ALG9: variants seen among roughly 807,000 people sequenced by gnomAD.
The protein encoded by ALG9 is ALG9 alpha-1,2-mannosyltransferase, also known as alpha-1,2-mannosyltransferase ALG9.
In ALG9, 55 loss-of-function variants were observed where a neutral mutation model predicts 81.8. The observed-to-expected ratio is 0.67, with a 90% confidence interval of 0.54 to 0.84. The LOEUF (loss-of-function observed/expected upper bound fraction) is 0.84. Ranked by LOEUF, ALG9 falls within the 40% of genes least tolerant of loss-of-function variation. ALG9 has a pLI of 0.00. For missense variants in ALG9, 629 were observed against 745.0 expected (o/e 0.84, Z 1.81); for synonymous variants, 278 against 274.3 (o/e 1.01, Z -0.13).
chr11:111,832,375 C>T (rs1390631591), intron 13 of ALG9, among the ~76,000 whole-genome samples: 3 of 152,084 alleles, frequency 2.0e-5, no homozygotes, highest in African/African-American at 7.2e-5. Context: ...CTCCTGGGCT[C>T]AAGCAGTCCT....
intron 8 of ALG9, among the ~76,000 whole-genome samples, chr11:111,849,146 G>A (rs1378937416): frequency 2.0e-5 from 3 of 151,948 alleles, no homozygotes; most frequent in Non-Finnish European, 2.9e-5. Flanking sequence ...TGCCTCCCGA[G>A]TTCAAGCAAT....
chr11:111,853,436 G>A lies in ALG9; in HGVS notation c.839C>T (p.Ala280Val), dbSNP rs1162365191. ...DSYYYGKLVI[A>V]PLNIVLYNVF... The stretch of plus-strand genomic sequence containing the variant: ...ATTATACAAAACAATGTTGAGTGGT[G>A]CAATCACCAACTTCCCATAATAGTA... The change falls in exon 8 of 15, where the codon GCA (alanine) becomes GTA (valine). Residue 280 changes from alanine to valine, a missense_variant. Transcript: ENST00000616540. 1.9e-6 allele frequency: 3 copies of A among 1,613,922 alleles called. No homozygotes were observed. Among genetic ancestry groups the A allele is most frequent in the Admixed American group, 1.7e-5 (1 of 59,994 alleles).
Position 111,860,599 on chromosome 11 carries a change from T to A in ALG9, c.513A>T (p.Arg171=). The A allele has an allele frequency of 6.2e-7, 1 of 1,614,070 alleles. No homozygotes were observed. Among genetic ancestry groups the A allele is most frequent in the East Asian group, 2.2e-5 (1 of 44,878 alleles). The part of the protein sequence containing the change: ...VCKKFGLHVS[R]MMLAFLVLST... The stretch of plus-strand genomic sequence containing the variant: ...TGAGAACCAAGAAGGCTAGCATCAT[T>A]CGACTCACGTGCAACCCAAACTTCT... Residue 171 remains arginine, a synonymous_variant, in exon 5 of 15, where the codon CGA becomes CGT. Transcript: ENST00000616540.
chr11:111,786,503 C>T lies in ALG9; in HGVS notation c.1751G>A (p.Arg584Gln), dbSNP rs377190649. Reference protein sequence around the residue: ...LDASRSSKLLRAFYVPFLSDQ... With the variant: ...LDASRSSKLLQAFYVPFLSDQ... ...TGACAGGAAGGGGACATAGAATGCC[C>T]GCAGCAGCTTTGAAGATCTGAAAAA... The change falls in exon 15 of 15, where the codon CGG becomes CAG. Residue 584 changes from arginine (R) to glutamine (Q), a missense_variant. By Grantham distance (43) the Arg-to-Gln change is conservative (BLOSUM62 1). Transcript: ENST00000616540. 8 of 1,613,674 alleles carry T rather than the reference C, an allele frequency of 5.0e-6. No homozygotes were observed. The highest frequency in any genetic ancestry group is 2.2e-5 in the East Asian group (1 of 44,878).
chr11:111,870,145 A>G (rs1338677351), intron 2 of ALG9, 87 bp downstream of exon 2: 3 of 1,404,892 alleles, frequency 2.1e-6, no homozygotes, highest in African/African-American at 3.0e-5. Context: ...TAGGAGTCAC[A>G]CTTGTATATT....
Position 111,853,415 on chromosome 11 carries a change from T to C in ALG9, c.860A>G (p.Tyr287Cys), listed in dbSNP as rs121908023. The C allele has an allele frequency of 7.1e-5, 115 of 1,613,906 alleles. No homozygotes were observed. Among genetic ancestry groups the C allele is most frequent in the Non-Finnish European group, 8.6e-5 (101 of 1,179,920 alleles). The change falls in exon 8 of 15, where the codon TAT (tyrosine) becomes TGT (cysteine). Residue 287 changes from tyrosine to cysteine, a missense_variant. Tyr to Cys is a radical substitution (Grantham distance 194). Transcript: ENST00000616540. ...LVIAPLNIVL[Y>C]NVFTPHGPDL... Reference sequence around the variant, plus strand: ...AGGTCCATGAGGAGTAAAGACATTATACAAAACAATGTTGAGTGGTGCAAT... The same window carrying C: ...AGGTCCATGAGGAGTAAAGACATTACACAAAACAATGTTGAGTGGTGCAAT...
At chr11:111,793,315 G>A (rs971177400) in intron 14 of ALG9, among the ~76,000 whole-genome samples, 2 of 152,142 alleles carry the variant, frequency 1.3e-5, no homozygotes, top group African/African-American at 4.8e-5. Flanking sequence ...GAACAAGCTG[G>A]CTTGAATTCT....
chr11:111,816,827 C>G (rs1555097744), intron 13 of ALG9, among the ~76,000 whole-genome samples: 1 of 152,138 alleles, frequency 6.6e-6, no homozygotes, highest in African/African-American at 2.4e-5. Context: ...TCCAAAAGTT[C>G]TGGGTTACAG....
At chr11:111,775,269 C>T in the ALG9 span, among the ~76,000 whole-genome samples, 2 of 152,190 alleles carry the variant, frequency 1.3e-5, no homozygotes, top group Admixed American at 6.6e-5. Flanking sequence ...TGGTATTCTT[C>T]CCCACTTCCT....
chr11:111,809,539 C>T lies in ALG9; in HGVS notation c.1733+104G>A, dbSNP rs920821405. ...CATTACACACACACACACACACACACGATGGCTACTAGAGTCAACCCAGGA... is the reference window on the plus strand; with the variant it reads ...CATTACACACACACACACACACACATGATGGCTACTAGAGTCAACCCAGGA... On this transcript the variant is annotated intron_variant, in intron 14 of 14. Transcript: ENST00000616540. The T allele has an allele frequency of 2.6e-5, 36 of 1,378,864 alleles. 1 individual carries two copies. The highest frequency in any genetic ancestry group is 1.8e-4 in the South Asian group (15 of 84,894). 85.4% of individuals were successfully genotyped at this position (1,378,864 alleles called of 1,614,324 possible).
At chr11:111,778,726 A>G (rs1008974863), downstream of ALG9, among the ~76,000 whole-genome samples, 3 of 152,128 alleles carry the variant, frequency 2.0e-5, no homozygotes, top group Admixed American at 1.3e-4. Flanking sequence ...GAGTTTAAAA[A>G]AAAACATAAT....
rs1351564831 is a variant in ALG9 at position 111,786,459 on chromosome 11, C to T, written c.1795G>A (p.Val599Ile). 16 of 1,613,992 alleles carry T rather than the reference C, an allele frequency of 9.9e-6. No individual in the cohort carries two copies. The highest frequency in any genetic ancestry group is 1.7e-4 in the Middle Eastern group (1 of 6,060). Reference sequence around the variant, plus strand: ...CGGGGTTTGAGGATGGTGTAGTTTACGTACACTGTATACTGATCTGACAGG... The same window carrying T: ...CGGGGTTTGAGGATGGTGTAGTTTATGTACACTGTATACTGATCTGACAGG... ...PFLSDQYTVY[V>I]NYTILKPRKA... Residue 599 changes from valine to isoleucine, a missense_variant, in exon 15 of 15, where the codon GTA (valine) becomes ATA (isoleucine). Physicochemically the swap from Val to Ile is conservative, Grantham distance 29. Around this residue, in one of 3 missense-constraint regions of ALG9, gnomAD observed 264 missense variants for 302.2 expected, o/e 0.87. Coordinates refer to ENST00000616540, the MANE Select transcript of ALG9 (RefSeq NM_024740.2).
chr11:111,833,090 G>A (rs1347582949), intron 13 of ALG9, among the ~76,000 whole-genome samples: 1 of 152,092 alleles, frequency 6.6e-6, no homozygotes, highest in Non-Finnish European at 1.5e-5. Flanking sequence ...TTAAATTAAA[G>A]TCAGAAAAAA....
At chr11:111,802,635 T>C (rs1281138871) in intron 14 of ALG9, among the ~76,000 whole-genome samples, 3 of 152,182 alleles carry the variant, frequency 2.0e-5, no homozygotes, top group Admixed American at 1.3e-4. Context: ...ATACTTTAAA[T>C]GGATGAACTG....
chr11:111,855,282 A>C (rs1958484821), intron 6 of ALG9, among the ~76,000 whole-genome samples: 1 of 152,234 alleles, frequency 6.6e-6, no homozygotes, highest in Non-Finnish European at 1.5e-5. Context: ...TGGGCTATAC[A>C]AAAACAGGTC....
chr11:111,774,477 G>T, the ALG9 span, among the ~76,000 whole-genome samples: 1 of 152,214 alleles, frequency 6.6e-6, no homozygotes, highest in Non-Finnish European at 1.5e-5. Flanking sequence ...GCTTGTATAT[G>T]TACCAAAAAA....
At chr11:111,851,201 G>A (rs1555137791) in intron 8 of ALG9, among the ~76,000 whole-genome samples, 2 of 152,166 alleles carry the variant, frequency 1.3e-5, no homozygotes, top group African/African-American at 4.8e-5. Context: ...CTTCATCCCT[G>A]GGCGTGGTGG....
At chr11:111,830,546 GAAGT>G (rs1314795688) in intron 13 of ALG9, among the ~76,000 whole-genome samples, 4 of 151,990 alleles carry the variant, frequency 2.6e-5, no homozygotes, top group Non-Finnish European at 5.9e-5. Context: ...TAACTTTAGA[GAAGT>G]ATTTTGAACA....
chr11:111,860,324 G>T (rs782729888), intron 5 of ALG9, among the ~76,000 whole-genome samples: 2 of 152,148 alleles, frequency 1.3e-5, no homozygotes, highest in Non-Finnish European at 2.9e-5. Flanking sequence ...GTGAGAAAAT[G>T]TTTTTCTTAC....
Sources: gnomAD v4.1 joint callset for allele counts (sites outside exome capture counted in the v4.1 genomes callset) on GRCh38, gnomAD v4.1.1 for gene constraint, gnomAD v4.1.1 regional missense constraint, MANE v1.5 for transcripts, NCBI Gene and HGNC (gene_info 2026-07-23, HGNC 2026-07-21) for gene names.